Variants in LMAN2L observed in about 807,000 individuals in gnomAD.
LMAN2L encodes VIP36-like protein.
Under a neutral mutation model 44.3 loss-of-function variants are expected in LMAN2L, and 30 were observed. The observed-to-expected ratio is 0.68, with a 90% CI of 0.51 to 0.92. LMAN2L has a LOEUF of 0.92. Among genes scored for constraint, LMAN2L ranks in the 40% least tolerant of loss-of-function variants. LMAN2L has a pLI of 0.00. For synonymous variants in LMAN2L, 183 were observed against 171.1 expected, an observed-to-expected ratio of 1.07 and a Z score of -0.54; for missense variants, 429 against 446.1, an observed-to-expected ratio of 0.96 and a Z score of 0.35.
chr2:96,738,169 C>T, intron 1 of LMAN2L, 102 bp from the exon 2 acceptor site: 1 of 735,672 alleles, frequency 1.4e-6, no homozygotes, highest in Non-Finnish European at 2.4e-6. Context: ...CTTTTTCCCC[C>T]TTTAATGTCA....
intron 2 of LMAN2L, among the ~76,000 whole-genome samples, chr2:96,736,830 C>T (rs538698665): frequency 1.3e-5 from 2 of 152,246 alleles, no homozygotes; most frequent in African/African-American, 4.8e-5. Context: ...ATCTCTGCTA[C>T]GAAAACACAA....
intron 6 of LMAN2L, 69 bp from the exon 7 acceptor site, chr2:96,707,902 C>A: frequency 6.5e-7 from 1 of 1,537,460 alleles, no homozygotes; most frequent in Non-Finnish European, 8.9e-7. Context: ...AAGTCAGTAT[C>A]TTAGTTCAAG....
At chr2:96,707,519 A>AC (rs2077811157) in intron 7 of LMAN2L, 121 bp from the exon 8 acceptor site, 9 of 1,290,422 alleles carry the variant, frequency 7.0e-6, no homozygotes, top group Non-Finnish European at 8.4e-6. Flanking sequence ...CAGAGCTTAG[A>AC]CCCCCTCTTT....
In LMAN2L at chr2:96,706,395, C is replaced by T. The variant is rs1007369739; in HGVS notation, c.*861G>A. Reference sequence around the variant, plus strand: ...ATCTCCACATGGTCAGACCACATGACAAATGTTGCTTTTGGTTTGATCAAA... The same window carrying T: ...ATCTCCACATGGTCAGACCACATGATAAATGTTGCTTTTGGTTTGATCAAA... On this transcript the variant is annotated 3_prime_UTR_variant, in exon 8 of 8. Coordinates refer to ENST00000264963, the MANE Select transcript of LMAN2L (RefSeq NM_030805.4). 1 of 152,226 alleles carries T rather than the reference C, an allele frequency of 6.6e-6. No individual in the cohort carries two copies. Among genetic ancestry groups the T allele is most frequent in the African/African-American group, 2.4e-5 (1 of 41,454 alleles). The allele number at this position is 152,226 out of a possible 1,614,324, so 9.4% of individuals were successfully genotyped here.
At position 96,723,624 on chromosome 2, in the gene LMAN2L, AT is replaced by A. The variant is rs563268804; in HGVS notation, c.507+9894del. On this transcript the variant is annotated intron_variant, in intron 4 of 7. Coordinates refer to ENST00000264963, the MANE Select transcript of LMAN2L (RefSeq NM_030805.4). The stretch of plus-strand genomic sequence containing the variant: ...CAAAGTCAAGAAGAATCAATCCGAT[AT>A]TTTTTTTTTCTAAAAGTTTTATAGT... Among the ~76,000 whole-genome samples, 520 of 150,008 alleles carry A rather than the reference AT, an allele frequency of 3.5e-3. 3 individuals are homozygous for A. Among genetic ancestry groups the A allele is most frequent in the African/African-American group, 0.012 (486 of 40,930 alleles).
intron 4 of LMAN2L, among the ~76,000 whole-genome samples, chr2:96,731,167 C>G (rs570342227): frequency 5.9e-5 from 9 of 152,332 alleles, no homozygotes; most frequent in East Asian, 1.9e-4. Context: ...GTTCCCCCAT[C>G]AGCATTCTCA....
chr2:96,733,646 G>T, intron 3 of LMAN2L, 45 bp from the exon 4 acceptor site: 1 of 1,456,248 alleles, frequency 6.9e-7, no homozygotes, highest in Non-Finnish European at 9.6e-7. Flanking sequence ...AAAGCTAAGA[G>T]TTGATAAAGG....
chr2:96,737,130 A>G lies in LMAN2L; in HGVS notation c.306+819T>C, dbSNP rs540510512. 1.3e-4 allele frequency: 58 copies of G among 456,076 alleles called. 1 individual carries two copies. The highest frequency in any genetic ancestry group is 8.5e-4 in the South Asian group (55 of 64,354). 28.3% of individuals were successfully genotyped at this position (456,076 alleles called of 1,614,324 possible). A position where few individuals can be genotyped will look rare whatever the true frequency, so the allele number is the denominator to read the frequency against. On this transcript the variant is annotated intron_variant, in intron 2 of 7. Coordinates refer to ENST00000264963, the MANE Select transcript of LMAN2L (RefSeq NM_030805.4). ...CCCTGGAAACAGAAAAGAAAGCATC[A>G]TCTTACACTTGTACAAAATCACAGT...
chr2:96,718,061 T>C (rs1419072895), intron 4 of LMAN2L, among the ~76,000 whole-genome samples: 1 of 152,068 alleles, frequency 6.6e-6, no homozygotes, highest in Admixed American at 6.6e-5. Context: ...GTTCAAGCGA[T>C]TCTCCTGCCT....
At chr2:96,708,653 C>T (rs1026874386) in intron 6 of LMAN2L, among the ~76,000 whole-genome samples, 2 of 152,180 alleles carry the variant, frequency 1.3e-5, no homozygotes, top group African/African-American at 4.8e-5. Flanking sequence ...CACACACACA[C>T]ACGTACAACA....
intron 4 of LMAN2L, among the ~76,000 whole-genome samples, chr2:96,712,277 A>T (rs1558948808): frequency 6.6e-6 from 1 of 152,216 alleles, no homozygotes; most frequent in Non-Finnish European, 1.5e-5. Flanking sequence ...GTGGGCCTGA[A>T]GTGGTCCTCC....
intron 4 of LMAN2L, among the ~76,000 whole-genome samples, chr2:96,725,073 C>T (rs905906559): frequency 1.5e-4 from 23 of 151,786 alleles, no homozygotes; most frequent in Non-Finnish European, 2.9e-4. Flanking sequence ...CCTCGTGATC[C>T]GCCTGCCTCA....
chr2:96,734,297 T>G (rs2153336095), intron 3 of LMAN2L, 112 bp downstream of exon 3: 1 of 750,872 alleles, frequency 1.3e-6, no homozygotes, highest in Non-Finnish European at 2.4e-6. Context: ...TCCACATACA[T>G]TAAGGGAGAG....
At chr2:96,738,107 C>T (rs1345595628) in intron 1 of LMAN2L, 40 bp from the exon 2 acceptor site, 2 of 1,399,572 alleles carry the variant, frequency 1.4e-6, no homozygotes. Flanking sequence ...TTTTCAACAC[C>T]AATCCATTCA....
At position 96,720,475 on chromosome 2, in the gene LMAN2L, C is replaced by CTT. The variant is rs74265067; in HGVS notation, c.508-8452_508-8451dup. Among the ~76,000 whole-genome samples the CTT allele has an allele frequency of 1.4e-4, 20 of 142,198 alleles. 1 individual carries two copies. The highest frequency in any genetic ancestry group is 7.8e-4 in the Admixed American group (11 of 14,130). The allele number at this position is 142,198 out of a possible 152,430, so 93.3% of individuals were successfully genotyped here. A position where few individuals can be genotyped will look rare whatever the true frequency, so the allele number is the denominator to read the frequency against. ...TGCAAGATAATCAGGTTATCTTTAC[C>CTT]TTTTTTTTTTTTTTGATTTTTTGTA... On this transcript the variant is annotated intron_variant, in intron 4 of 7. Coordinates refer to ENST00000264963, the MANE Select transcript of LMAN2L (RefSeq NM_030805.4).
At chr2:96,716,581 G>GTT (rs2078044945) in intron 4 of LMAN2L, among the ~76,000 whole-genome samples, 1 of 152,248 alleles carries the variant, frequency 6.6e-6, no homozygotes, top group African/African-American at 2.4e-5. Flanking sequence ...ACTGAATGGT[G>GTT]TGAATAATAG....
rs746501747 is a variant in LMAN2L, at chr2:96,707,847, G to A, written c.785-14C>T. On this transcript the variant is annotated splice_polypyrimidine_tract_variant and intron_variant, in intron 6 of 7. Coordinates refer to ENST00000264963, the MANE Select transcript of LMAN2L (RefSeq NM_030805.4). ...CATCATGATTATCTGAAGAAAAATG[G>A]AAGAAGGATGACTTGTGCCACTTGA... The A allele has an allele frequency of 6.8e-6, 11 of 1,612,800 alleles. No homozygotes were observed. The highest frequency in any genetic ancestry group is 9.3e-6 in the Non-Finnish European group (11 of 1,179,482).
chr2:96,732,779 TTTTC>T (rs1207401934), intron 4 of LMAN2L, among the ~76,000 whole-genome samples: 37 of 151,212 alleles, frequency 2.4e-4, no homozygotes, highest in East Asian at 1.2e-3. Flanking sequence ...CGTTATAGCC[TTTTC>T]TTTCTTTCTT....
intron 6 of LMAN2L, among the ~76,000 whole-genome samples, chr2:96,709,973 G>A (rs192664706): frequency 5.9e-5 from 9 of 152,294 alleles, no homozygotes; most frequent in Admixed American, 5.2e-4. Context: ...AAACCTGTAA[G>A]CTCAAAGGAA....
Sources: gnomAD v4.1 joint callset for allele counts (sites outside exome capture counted in the v4.1 genomes callset) on GRCh38, gnomAD v4.1.1 for gene constraint, MANE v1.5 for transcripts, NCBI Gene and HGNC (gene_info 2026-07-23, HGNC 2026-07-21) for gene names.